The following PCBD2 variants were observed in gnomAD, a reference collection of about 807,000 sequenced individuals.
The protein encoded by PCBD2 is pterin-4 alpha-carbinolamine dehydratase 2.
In PCBD2, 12 loss-of-function variants were observed where a neutral mutation model predicts 16.4. The observed-to-expected ratio is 0.73, with a 90% confidence interval of 0.47 to 1.19. The LOEUF is 1.19. Ranked by LOEUF, PCBD2 falls within the 50% of genes most tolerant of loss-of-function variation. The pLI, the probability that PCBD2 is intolerant of heterozygous loss-of-function variation, is 0.00. For missense variants in PCBD2, 138 were observed against 156.8 expected (o/e 0.88, Z 0.64); for synonymous variants, 58 against 61.8 (o/e 0.94, Z 0.29).
intron 2 of PCBD2, among the ~76,000 whole-genome samples, chr5:134,934,231 G>A (rs374009012): frequency 1.1e-4 from 17 of 152,038 alleles, no homozygotes; most frequent in African/African-American, 4.1e-4. Flanking sequence ...GATATTGCTG[G>A]TTCTCAAACT....
chr5:134,919,094 A>G (rs1004838287), intron 2 of PCBD2, among the ~76,000 whole-genome samples: 1 of 152,184 alleles, frequency 6.6e-6, no homozygotes. Flanking sequence ...TAACTGCATA[A>G]TTTGCTCTTA....
intron 1 of PCBD2, among the ~76,000 whole-genome samples, chr5:134,907,931 T>G (rs1243985211): frequency 6.6e-6 from 1 of 150,970 alleles, no homozygotes; most frequent in Non-Finnish European, 1.5e-5. Flanking sequence ...CTTTTTTTTT[T>G]TTTTTTAAGA....
intron 2 of PCBD2, among the ~76,000 whole-genome samples, chr5:134,915,638 A>G (rs960094370): frequency 1.3e-5 from 2 of 151,402 alleles, no homozygotes; most frequent in African/African-American, 4.9e-5. Context: ...TTTTGCAGAA[A>G]GGGGGTTTCT....
chr5:134,924,933 G>C (rs1490629217), intron 2 of PCBD2: 1 of 391,270 alleles, frequency 2.6e-6, no homozygotes, highest in East Asian at 3.6e-5. Context: ...TTTTGAGTTT[G>C]TTGGTTAGGT....
rs1367895275 is a variant in PCBD2 at position 134,961,062 on chromosome 5, G to A, written c.*381G>A. ...TTACAGGCATGAGCCACCATGCCTG[G>A]CTGTTGAATTGTTCTTAAGGCATCA... On this transcript the variant is annotated 3_prime_UTR_variant, in exon 4 of 4. Coordinates refer to ENST00000254908, the MANE Select transcript of PCBD2 (RefSeq NM_032151.5). 6.2e-6 allele frequency: 1 copy of A among 160,054 alleles called. No homozygotes were observed. Among genetic ancestry groups the A allele is most frequent in the Non-Finnish European group, 1.4e-5 (1 of 73,382 alleles). The allele number at this position is 160,054 out of a possible 1,614,324, so 9.9% of individuals were successfully genotyped here.
chr5:134,960,792 AGT>A lies in PCBD2; in HGVS notation c.*114_*115del. 1 of 917,470 alleles carries A rather than the reference AGT, an allele frequency of 1.1e-6. No homozygotes were observed. The highest frequency in any genetic ancestry group is 1.7e-6 in the Non-Finnish European group (1 of 601,954). The allele number at this position is 917,470 out of a possible 1,614,324, so 56.8% of individuals were successfully genotyped here. A position where few individuals can be genotyped will look rare whatever the true frequency, so the allele number is the denominator to read the frequency against. ...TCTTTTTCTCTTTTTTTTAAGACAGAGTGTTGCTCTGTCGCCCAGGCCAGAGT... is the reference window on the plus strand; with the variant it reads ...TCTTTTTCTCTTTTTTTTAAGACAGAGTTGCTCTGTCGCCCAGGCCAGAGT... On this transcript the variant is annotated 3_prime_UTR_variant, in exon 4 of 4. Coordinates refer to ENST00000254908, the MANE Select transcript of PCBD2 (RefSeq NM_032151.5).
At chr5:134,947,389 ATTTTTTTT>A (rs1220114582) in intron 2 of PCBD2, among the ~76,000 whole-genome samples, 3 of 103,052 alleles carry the variant, frequency 2.9e-5, no homozygotes, top group African/African-American at 1.2e-4. Flanking sequence ...CCCGGCCTCA[ATTTTTTTT>A]TTTTTTTTTT....
chr5:134,910,281 T>G, intron 1 of PCBD2, 54 bp from the exon 2 acceptor site: 2 of 1,575,694 alleles, frequency 1.3e-6, no homozygotes, highest in Non-Finnish European at 8.6e-7. Flanking sequence ...AGCCATAAGT[T>G]TGAGTTTGAG....
At chr5:134,954,717 G>C (rs1162147354) in intron 2 of PCBD2, among the ~76,000 whole-genome samples, 1 of 151,708 alleles carries the variant, frequency 6.6e-6, no homozygotes, top group Non-Finnish European at 1.5e-5. Flanking sequence ...GTTGAATGTT[G>C]GTATGTGAAT....
intron 2 of PCBD2, chr5:134,923,707 T>A (rs1750938670): frequency 1.6e-5 from 6 of 386,450 alleles, no homozygotes; most frequent in Non-Finnish European, 4.6e-6. Context: ...ATGATGCCAA[T>A]GTTTCAGGTT....
At chr5:134,956,515 T>C (rs1302958045) in intron 2 of PCBD2, among the ~76,000 whole-genome samples, 1 of 152,238 alleles carries the variant, frequency 6.6e-6, no homozygotes, top group Non-Finnish European at 1.5e-5. Context: ...GGCATCACTT[T>C]AGACATTTTA....
intron 2 of PCBD2, among the ~76,000 whole-genome samples, chr5:134,944,397 T>G (rs151192248): frequency 6.6e-6 from 1 of 152,324 alleles, no homozygotes; most frequent in Non-Finnish European, 1.5e-5. Flanking sequence ...TTGGTTAATA[T>G]AGGCATTTCG....
In PCBD2 at chr5:134,961,016, C is replaced by A. The variant is rs1751469632; in HGVS notation, c.*335C>A. 5.6e-6 allele frequency: 1 copy of A among 177,192 alleles called. No homozygotes were observed. Among genetic ancestry groups the A allele is most frequent in the African/African-American group, 2.4e-5 (1 of 41,854 alleles). 11.0% of individuals were successfully genotyped at this position (177,192 alleles called of 1,614,324 possible). ...TCCTGACCTCGTGATCCGCCTGCCT[C>A]AGCCTCCCAAAGTGCTGGGATTACA... On this transcript the variant is annotated 3_prime_UTR_variant, in exon 4 of 4. Transcript: ENST00000254908.
chr5:134,912,573 A>G (rs1750781995), intron 2 of PCBD2, among the ~76,000 whole-genome samples: 1 of 152,230 alleles, frequency 6.6e-6, no homozygotes, highest in African/African-American at 2.4e-5. Context: ...GGGAGAGTAG[A>G]TTAAAGCAGT....
intron 2 of PCBD2, chr5:134,924,461 G>T: frequency 2.5e-6 from 1 of 397,110 alleles, no homozygotes; most frequent in South Asian, 1.3e-4. Context: ...ATGGGGTGGT[G>T]GTTGTGGTAA....
rs1751084384 is a variant in PCBD2 at position 134,930,841 on chromosome 5, CA to C, written c.216+20377del. Among the ~76,000 whole-genome samples, 3 of 152,190 alleles carry C rather than the reference CA, an allele frequency of 2.0e-5. No individual in the cohort carries two copies. The South Asian group carries it at 6.2e-4, about 31-fold the overall frequency. On this transcript the variant is annotated intron_variant, in intron 2 of 3. Coordinates refer to ENST00000254908, the MANE Select transcript of PCBD2 (RefSeq NM_032151.5). ...TTAGGCATTCATTTCTGTTTCAAGA[CA>C]ATTCTTTAATCTCAAATTCTTTCTT...
intron 2 of PCBD2, among the ~76,000 whole-genome samples, chr5:134,913,942 G>T (rs539386490): frequency 1.3e-5 from 2 of 152,172 alleles, no homozygotes; most frequent in Admixed American, 6.5e-5. Flanking sequence ...GGTGCAAGGT[G>T]GGGGGCAGGG....
intron 2 of PCBD2, among the ~76,000 whole-genome samples, chr5:134,943,185 T>G (rs1751252307): frequency 6.6e-6 from 1 of 152,162 alleles, no homozygotes; most frequent in Non-Finnish European, 1.5e-5. Flanking sequence ...ACATTCACAT[T>G]ATAGCCCAGG....
chr5:134,958,015 C>T (rs1751434080), intron 2 of PCBD2, among the ~76,000 whole-genome samples: 1 of 152,166 alleles, frequency 6.6e-6, no homozygotes, highest in South Asian at 2.1e-4. Flanking sequence ...TTGGTGATCC[C>T]AAAAACATGG....
Sources: gnomAD v4.1 joint callset for allele counts (sites outside exome capture counted in the v4.1 genomes callset) on GRCh38, gnomAD v4.1.1 for gene constraint, MANE v1.5 for transcripts, NCBI Gene and HGNC (gene_info 2026-07-23, HGNC 2026-07-21) for gene names.